FRYL: variants seen among roughly 807,000 people sequenced by gnomAD.
FRYL encodes protein furry homolog-like.
In FRYL, 150 loss-of-function variants were observed where a neutral mutation model predicts 351.2. The ratio of observed to expected loss-of-function variants is 0.43; its 90% CI spans 0.37 to 0.49. The LOEUF (loss-of-function observed/expected upper bound fraction) is 0.49, where lower values mean the gene tolerates loss of function less well. Ranked by LOEUF, FRYL falls within the 20% of genes least tolerant of loss-of-function variation. The pLI is 0.00. For synonymous variants in FRYL, 1,153 were observed against 1,257.1 expected (o/e 0.92, Z 1.75); for missense variants, 3,036 against 3,619.3 (o/e 0.84, Z 4.13).
chr4:48,647,081 G>A (rs190373293), intron 3 of FRYL, among the ~76,000 whole-genome samples: 372 of 152,292 alleles, frequency 2.4e-3, no homozygotes, highest in African/African-American at 8.6e-3. Context: ...GTTTGATAAG[G>A]AAAGGCTCAG....
In FRYL at chr4:48,549,553, G is replaced by C; in HGVS notation, c.4704C>G (p.Pro1568=). 1.2e-6 allele frequency: 2 copies of C among 1,613,392 alleles called. No individual in the cohort carries two copies. The highest frequency in any genetic ancestry group is 1.7e-6 in the Non-Finnish European group (2 of 1,179,610). ...ACCAGCAGCCTCCAGCTGGTGGGAA[G>C]GGCAGTGGCTCTCCTTGGTTATGCT... The part of the protein sequence containing the change: ...VMEHNQGEPL[P]FPPAGGCWSP... Residue 1568 remains proline (P), a synonymous_variant, in exon 39 of 64, where the codon CCC becomes CCG. Coordinates refer to ENST00000358350, the MANE Select transcript of FRYL (RefSeq NM_015030.2). This position sits in a 1 kb window ranked among gnomAD's most constrained non-coding sequence, Gnocchi z 4.2.
intron 1 of FRYL, among the ~76,000 whole-genome samples, chr4:48,764,163 C>T (rs1283357927): frequency 2.0e-5 from 3 of 151,976 alleles, no homozygotes; most frequent in Non-Finnish European, 1.5e-5. Flanking sequence ...GAGCAAGACT[C>T]TATCTCAAAA....
chr4:48,669,098 T>C (rs1423663501), intron 3 of FRYL, among the ~76,000 whole-genome samples: 2 of 152,248 alleles, frequency 1.3e-5, no homozygotes, highest in Non-Finnish European at 2.9e-5. Flanking sequence ...TTTATTATTT[T>C]AGTATGTTTT....
At chr4:48,761,206 T>C (rs183757585) in intron 1 of FRYL, among the ~76,000 whole-genome samples, 10 of 152,292 alleles carry the variant, frequency 6.6e-5, no homozygotes, top group Middle Eastern at 3.4e-3. Flanking sequence ...CTATATTCCA[T>C]GTAGGCTTTG....
chr4:48,540,222 T>A, intron 46 of FRYL, 131 bp downstream of exon 46: 1 of 1,228,896 alleles, frequency 8.1e-7, no homozygotes, highest in Non-Finnish European at 1.1e-6. Flanking sequence ...TACCAAATAA[T>A]TTAAGCTACC....
chr4:48,547,583 C>A lies in FRYL; in HGVS notation c.5074+1G>T. 1 of 1,514,760 alleles carries A rather than the reference C, an allele frequency of 6.6e-7. No homozygotes were observed. Among genetic ancestry groups the A allele is most frequent in the Non-Finnish European group, 9.0e-7 (1 of 1,112,530 alleles). 93.8% of individuals were successfully genotyped at this position (1,514,760 alleles called of 1,614,324 possible). ...TCAAATTGTACATTTAAAGCAAATA[C>A]CTGTGAAATTATAATCTAAGTGTGC... is the stretch of plus-strand genomic sequence containing the variant. On this transcript the variant is annotated splice_donor_variant, in intron 41 of 63. Transcript: ENST00000358350. LOFTEE classifies it high-confidence loss of function.
At chr4:48,766,336 C>T (rs1774947412) in intron 1 of FRYL, among the ~76,000 whole-genome samples, 1 of 152,148 alleles carries the variant, frequency 6.6e-6, no homozygotes, top group Non-Finnish European at 1.5e-5. Flanking sequence ...TCCTTCAAGA[C>T]ACAAATAAAA....
intron 43 of FRYL, 33 bp from the exon 44 acceptor site, chr4:48,544,030 T>C (rs1490782215): frequency 6.3e-7 from 1 of 1,591,968 alleles, no homozygotes; most frequent in South Asian, 1.1e-5. Flanking sequence ...TAGGTTGTTC[T>C]TGTTCTTTAG....
chr4:48,719,780 G>C (rs777481577), intron 1 of FRYL, among the ~76,000 whole-genome samples: 15 of 151,510 alleles, frequency 9.9e-5, no homozygotes, highest in African/African-American at 2.4e-4. Context: ...ATTTTGTCAG[G>C]AACAACTTGA....
chr4:48,502,545 CA>C (rs57308308), intron 61 of FRYL, among the ~76,000 whole-genome samples: 6,218 of 111,088 alleles, frequency 0.056, 157 homozygotes, highest in Middle Eastern at 0.086. Context: ...GACTCCATCT[CA>C]AAAAAAAAAA....
At chr4:48,681,942 A>G (rs1227494335) in intron 3 of FRYL, among the ~76,000 whole-genome samples, 1 of 152,230 alleles carries the variant, frequency 6.6e-6, no homozygotes, top group Non-Finnish European at 1.5e-5. Context: ...ATTCAGAAGT[A>G]TAACAAGAGA....
At chr4:48,551,068 TAA>T (rs1220502208) in intron 37 of FRYL, among the ~76,000 whole-genome samples, 14 of 124,848 alleles carry the variant, frequency 1.1e-4, no homozygotes, top group South Asian at 2.5e-4. Context: ...TCCATCTCAA[TAA>T]AAAAAAAAAA....
intron 2 of FRYL, among the ~76,000 whole-genome samples, chr4:48,685,134 T>G (rs1765019506): frequency 2.0e-5 from 3 of 152,178 alleles, no homozygotes; most frequent in Admixed American, 2.0e-4. Flanking sequence ...ATTCCAGACA[T>G]TATAACATTT....
chr4:48,514,809 G>A (rs1363526123), intron 56 of FRYL, among the ~76,000 whole-genome samples: 1 of 152,130 alleles, frequency 6.6e-6, no homozygotes, highest in Non-Finnish European at 1.5e-5. Flanking sequence ...TTTTCTTTAT[G>A]GGAATGTCCA....
At chr4:48,593,517 T>C (rs2149218493) in intron 16 of FRYL, among the ~76,000 whole-genome samples, 1 of 152,280 alleles carries the variant, frequency 6.6e-6, no homozygotes, top group South Asian at 2.1e-4. Context: ...GCTAATTTTG[T>C]ATTTTTAGGA....
At chr4:48,544,031 T>G in intron 43 of FRYL, 34 bp from the exon 44 acceptor site, 1 of 1,584,984 alleles carries the variant, frequency 6.3e-7, no homozygotes. Flanking sequence ...AGGTTGTTCT[T>G]GTTCTTTAGA....
chr4:48,728,848 G>A (rs542524670), intron 1 of FRYL, among the ~76,000 whole-genome samples: 3 of 152,212 alleles, frequency 2.0e-5, no homozygotes, highest in Non-Finnish European at 4.4e-5. Flanking sequence ...TGAGGTACCT[G>A]GTACATCTCA....
At chr4:48,575,661 G>T (rs1030623392) in intron 24 of FRYL, among the ~76,000 whole-genome samples, 1 of 152,162 alleles carries the variant, frequency 6.6e-6, no homozygotes, top group Non-Finnish European at 1.5e-5. Flanking sequence ...AGATCACTAC[G>T]TAATTTAGGG....
At chr4:48,716,994 T>C (rs1768916717) in intron 1 of FRYL, among the ~76,000 whole-genome samples, 2 of 150,472 alleles carry the variant, frequency 1.3e-5, no homozygotes, top group Admixed American at 6.7e-5. Flanking sequence ...AAATTGGAAA[T>C]CATCATTCTC....
Sources: gnomAD v4.1 joint callset for allele counts (sites outside exome capture counted in the v4.1 genomes callset) on GRCh38, gnomAD v4.1.1 for gene constraint, Gnocchi (gnomAD v3.1) non-coding constraint, MANE v1.5 for transcripts, NCBI Gene and HGNC (gene_info 2026-07-23, HGNC 2026-07-21) for gene names.